Variants in PALS1 observed in about 807,000 individuals in gnomAD.
PALS1 encodes protein associated with LIN7 1, MAGUK p55 family member, also known as protein PALS1.
In PALS1, 31 loss-of-function variants were observed where a neutral mutation model predicts 78.9. That is an observed-to-expected ratio of 0.39 (90% confidence interval 0.30 to 0.53). The LOEUF (loss-of-function observed/expected upper bound fraction) is 0.53, where lower values mean the gene tolerates loss of function less well. Ranked by LOEUF, PALS1 falls within the 20% of genes least tolerant of loss-of-function variation. The pLI is 0.67. For missense variants in PALS1, 704 were observed against 826.5 expected (o/e 0.85, Z 1.82); for synonymous variants, 276 against 270.9 (o/e 1.02, Z -0.18).
intron 8 of PALS1, among the ~76,000 whole-genome samples, chr14:67,310,484 G>T (rs746613117): frequency 6.6e-6 from 1 of 152,180 alleles, no homozygotes; most frequent in Non-Finnish European, 1.5e-5. Context: ...AAAGAGACCA[G>T]GTGGGGCCTC....
At chr14:67,286,875 G>GA (rs1000508583) in intron 3 of PALS1, among the ~76,000 whole-genome samples, 3 of 133,842 alleles carry the variant, frequency 2.2e-5, no homozygotes, top group Non-Finnish European at 4.7e-5. Flanking sequence ...AAAAAAAAAA[G>GA]AAAAAAACTG....
chr14:67,329,385 G>A (rs866224786), intron 14 of PALS1, among the ~76,000 whole-genome samples: 6 of 152,260 alleles, frequency 3.9e-5, no homozygotes, highest in Admixed American at 6.5e-5. Flanking sequence ...GGGCTGAGAC[G>A]ATGGAGTTTT....
At chr14:67,274,109 A>G (rs1480307561) in intron 2 of PALS1, among the ~76,000 whole-genome samples, 2 of 152,156 alleles carry the variant, frequency 1.3e-5, no homozygotes, top group African/African-American at 4.8e-5. Flanking sequence ...TTTGCTGTGC[A>G]GAAGCTCTTT....
chr14:67,320,397 C>G lies in PALS1; in HGVS notation c.1537C>G (p.His513Asp), dbSNP rs747982226. 1 of 1,592,754 alleles carries G rather than the reference C, an allele frequency of 6.3e-7. No homozygotes were observed. The part of the protein sequence containing the change: ...EKDRFASAVP[H>D]TTRSRRDQEV... ...GGACCGCTTTGCATCTGCAGTTCCT[C>G]GTAAGTTTGAATGCATTCCCATTTT... Residue 513 changes from histidine to aspartate, a missense_variant and splice_region_variant, in exon 12 of 15, where the codon CAT becomes GAT. Transcript: ENST00000261681.
At chr14:67,314,979 G>A (rs946709670) in intron 9 of PALS1, among the ~76,000 whole-genome samples, 3 of 152,002 alleles carry the variant, frequency 2.0e-5, no homozygotes, top group East Asian at 1.9e-4. Flanking sequence ...ATGGTGGTGC[G>A]TACCTGTAGT....
chr14:67,308,895 T>G (rs1197889639), intron 8 of PALS1, among the ~76,000 whole-genome samples: 1 of 152,266 alleles, frequency 6.6e-6, no homozygotes, highest in East Asian at 1.9e-4. Flanking sequence ...AAACAATATT[T>G]TGGAACATTG....
chr14:67,302,365 A>C, intron 6 of PALS1, 45 bp from the exon 7 acceptor site: 1 of 1,278,366 alleles, frequency 7.8e-7, no homozygotes, highest in South Asian at 2.1e-5. Flanking sequence ...CTTAACAAAA[A>C]TTGTATTATT....
intron 9 of PALS1, 124 bp downstream of exon 9, chr14:67,312,834 T>A: frequency 1.3e-6 from 1 of 789,134 alleles, no homozygotes; most frequent in Non-Finnish European, 1.8e-6. Flanking sequence ...CTTTTTCGTG[T>A]AGTTGGGTTT....
chr14:67,296,849 C>T (rs892862751), intron 4 of PALS1, among the ~76,000 whole-genome samples: 3 of 152,136 alleles, frequency 2.0e-5, no homozygotes, highest in African/African-American at 4.8e-5. Context: ...GTCCTCCCAC[C>T]TCAGCCTCCT....
intron 8 of PALS1, among the ~76,000 whole-genome samples, chr14:67,309,029 G>A (rs929347374): frequency 1.3e-5 from 2 of 152,022 alleles, no homozygotes; most frequent in Admixed American, 6.6e-5. Flanking sequence ...AGAAAATGTT[G>A]GGCTGGAAGA....
At chr14:67,285,001 G>GTGGCCTTC (rs2084664807) in intron 3 of PALS1, among the ~76,000 whole-genome samples, 1 of 151,886 alleles carries the variant, frequency 6.6e-6, no homozygotes, top group African/African-American at 2.4e-5. Flanking sequence ...TCCTCCCACC[G>GTGGCCTTC]TGGCCTTCCA....
intron 2 of PALS1, among the ~76,000 whole-genome samples, chr14:67,277,782 G>A (rs1288934276): frequency 6.6e-6 from 1 of 152,024 alleles, no homozygotes; most frequent in Admixed American, 6.6e-5. Flanking sequence ...ATTAATGTAA[G>A]TATACATTAA....
intron 1 of PALS1, among the ~76,000 whole-genome samples, chr14:67,263,579 A>G (rs1567507594): frequency 6.6e-6 from 1 of 152,200 alleles, no homozygotes; most frequent in Non-Finnish European, 1.5e-5. Context: ...GACTAAAGAA[A>G]AATAATGGCA....
intron 1 of PALS1, among the ~76,000 whole-genome samples, chr14:67,257,152 G>A (rs2084158147): frequency 1.3e-5 from 2 of 152,140 alleles, no homozygotes; most frequent in African/African-American, 2.4e-5. Context: ...GAGACAAATG[G>A]TTGCATTCTT....
chr14:67,285,319 T>C (rs2084668384), intron 3 of PALS1, among the ~76,000 whole-genome samples: 1 of 151,924 alleles, frequency 6.6e-6, no homozygotes, highest in South Asian at 2.1e-4. Flanking sequence ...ATGAGAGTAA[T>C]ATATAAAAAT....
rs570780247 is a variant in PALS1 at position 67,302,582 on chromosome 14, G to T, written c.963+11G>T. The T allele has an allele frequency of 1.4e-6, 2 of 1,456,742 alleles. No individual in the cohort carries two copies. The highest frequency in any genetic ancestry group is 9.1e-7 in the Non-Finnish European group (1 of 1,101,122). 90.2% of individuals were successfully genotyped at this position (1,456,742 alleles called of 1,614,324 possible). A position where few individuals can be genotyped will look rare whatever the true frequency, so the allele number is the denominator to read the frequency against. Reference sequence around the variant, plus strand: ...GTTTTTGACTTGTTGGTAAGTTGACGCAGCTAGAAGAATAATTGATAGCTT... The same window carrying T: ...GTTTTTGACTTGTTGGTAAGTTGACTCAGCTAGAAGAATAATTGATAGCTT... On this transcript the variant is annotated intron_variant, in intron 7 of 14. Transcript: ENST00000261681.
intron 8 of PALS1, among the ~76,000 whole-genome samples, chr14:67,305,322 C>A (rs2140909817): frequency 6.6e-6 from 1 of 151,830 alleles, no homozygotes; most frequent in South Asian, 2.1e-4. Flanking sequence ...GCTCTATTAT[C>A]CAGGCTGGAG....
rs761021508 is a variant in PALS1, at chr14:67,312,532, T to C, written c.1047T>C (p.His349=). Residue 349 remains histidine, a synonymous_variant, in exon 9 of 15, where the codon CAT becomes CAC. Transcript: ENST00000261681. ...KPPPAKETVI[H]VKAHFDYDPS... ...TTGCCCTTTTTATCTTTTAGATCCA[T>C]GTAAAAGCTCATTTTGACTATGACC... The C allele has an allele frequency of 4.4e-6, 7 of 1,581,190 alleles. No individual in the cohort carries two copies. Among genetic ancestry groups the C allele is most frequent in the Non-Finnish European group, 6.0e-6 (7 of 1,162,606 alleles).
At chr14:67,312,386 T>C in intron 8 of PALS1, 141 bp from the exon 9 acceptor site, 1 of 543,448 alleles carries the variant, frequency 1.8e-6, no homozygotes. Flanking sequence ...GAGATTATCC[T>C]GGACAACATA....
Sources: allele counts gnomAD v4.1 joint callset (sites outside exome capture counted in the v4.1 genomes callset), GRCh38; gene constraint gnomAD v4.1.1; transcripts MANE v1.5; gene names NCBI Gene and HGNC (gene_info 2026-07-23, HGNC 2026-07-21).